Variants in WDR1 observed in about 807,000 individuals in gnomAD.
WDR1 encodes the protein WD repeat domain 1.
Under a neutral mutation model 71.9 loss-of-function variants are expected in WDR1, and 21 were observed. That is an observed-to-expected ratio of 0.29 (90% CI 0.21 to 0.42). The LOEUF is 0.42. Ranked by LOEUF, WDR1 falls within the 10% of genes least tolerant of loss-of-function variation. The pLI is 1.00. For missense variants in WDR1, 696 were observed against 824.5 expected (o/e 0.84, Z 1.91); for synonymous variants, 424 against 347.4 (o/e 1.22, Z -2.45).
intron 5 of WDR1, among the ~76,000 whole-genome samples, chr4:10,094,372 A>G (rs1421725974): frequency 6.6e-6 from 1 of 152,210 alleles, no homozygotes; most frequent in Non-Finnish European, 1.5e-5. Context: ...GAGGCAAAGA[A>G]CCTGGCCCAA....
chr4:10,076,582 C>T (rs1578412011), intron 14 of WDR1: 1 of 152,372 alleles, frequency 6.6e-6, no homozygotes, highest in African/African-American at 2.4e-5. Flanking sequence ...TCTCTCCTCC[C>T]TTCCAGACCG....
At chr4:10,114,181 G>A (rs774780717) in intron 2 of WDR1, among the ~76,000 whole-genome samples, 12 of 152,176 alleles carry the variant, frequency 7.9e-5, no homozygotes, top group Non-Finnish European at 7.3e-5. Context: ...GTAGCATCTC[G>A]TGCTGACCTG....
At chr4:10,093,163 C>T (rs2109667126) in intron 5 of WDR1, 3 of 1,288,720 alleles carry the variant, frequency 2.3e-6, no homozygotes, top group East Asian at 1.1e-4. Flanking sequence ...CACACATGCT[C>T]ACTACCTACC....
In WDR1 at chr4:10,074,945, T is replaced by C. The variant is rs536430880; in HGVS notation, c.*433A>G. 6 of 195,870 alleles carry C rather than the reference T, an allele frequency of 3.1e-5. No homozygotes were observed. Among genetic ancestry groups the C allele is most frequent in the Admixed American group, 1.7e-4 (3 of 17,852 alleles). The allele number at this position is 195,870 out of a possible 1,614,324, so 12.1% of individuals were successfully genotyped here. A position where few individuals can be genotyped will look rare whatever the true frequency, so the allele number is the denominator to read the frequency against. ...TCCGGCTTTGCTGAACTGCAATGCA[T>C]ATTCCCTCTTCTCACTAGTACAGAA... On this transcript the variant is annotated 3_prime_UTR_variant, in exon 15 of 15. Coordinates refer to ENST00000499869, the MANE Select transcript of WDR1 (RefSeq NM_017491.5).
chr4:10,101,033 C>A (rs1712652106), intron 3 of WDR1, among the ~76,000 whole-genome samples: 1 of 152,264 alleles, frequency 6.6e-6, no homozygotes, highest in African/African-American at 2.4e-5. Flanking sequence ...AGGAAGCCTG[C>A]CCTGGGCCTA....
chr4:10,108,656 T>C (rs955402779), intron 2 of WDR1, among the ~76,000 whole-genome samples: 1 of 152,206 alleles, frequency 6.6e-6, no homozygotes, highest in African/African-American at 2.4e-5. Flanking sequence ...CCAGGGCCCT[T>C]ATGTTCACTG....
intron 11 of WDR1, among the ~76,000 whole-genome samples, chr4:10,079,793 C>A (rs1386960712): frequency 6.6e-6 from 1 of 152,236 alleles, no homozygotes; most frequent in Non-Finnish European, 1.5e-5. Context: ...ATGGTAGCAG[C>A]ACCCTGACTA....
intron 3 of WDR1, among the ~76,000 whole-genome samples, chr4:10,101,392 T>A (rs1726599482): frequency 6.6e-6 from 1 of 152,096 alleles, no homozygotes. Flanking sequence ...AGCCCCCTTC[T>A]CCAAACCACC....
At position 10,103,289 on chromosome 4, in the gene WDR1, G is replaced by GAC. The variant is rs5856034; in HGVS notation, c.229+605_229+606dup. 8.1e-3 allele frequency among the ~76,000 whole-genome samples: 1,191 copies of GAC among 146,994 alleles called. 6 individuals are homozygous for GAC. The highest frequency in any genetic ancestry group is 0.03 in the East Asian group (150 of 4,956). The stretch of plus-strand genomic sequence containing the variant: ...ACATACACACACACACACACACACA[G>GAC]ACACACACACACACACACACACACA... On this transcript the variant is annotated intron_variant, in intron 3 of 14. Coordinates refer to ENST00000499869, the MANE Select transcript of WDR1 (RefSeq NM_017491.5).
chr4:10,104,688 G>A (rs1712913385), intron 2 of WDR1, among the ~76,000 whole-genome samples: 1 of 152,040 alleles, frequency 6.6e-6, no homozygotes, highest in South Asian at 2.1e-4. Flanking sequence ...ACACACGCAG[G>A]GCCTCAGTGA....
intron 2 of WDR1, among the ~76,000 whole-genome samples, chr4:10,105,380 T>C (rs1330228800): frequency 6.6e-6 from 1 of 152,240 alleles, no homozygotes; most frequent in African/African-American, 2.4e-5. Flanking sequence ...TCCCTAAGAC[T>C]TAACACAGCA....
chr4:10,111,706 C>T (rs1440403567), intron 2 of WDR1, among the ~76,000 whole-genome samples: 3 of 152,110 alleles, frequency 2.0e-5, no homozygotes, highest in African/African-American at 7.2e-5. Flanking sequence ...CCACCATTAC[C>T]CCCAACCCGC....
At chr4:10,116,088 C>G in intron 2 of WDR1, 25 bp downstream of exon 2, 1 of 1,604,870 alleles carries the variant, frequency 6.2e-7, no homozygotes. Flanking sequence ...GGAGCAGAAC[C>G]GCGCCCGGGG....
At chr4:10,087,061 C>T (rs543923493) in intron 8 of WDR1, among the ~76,000 whole-genome samples, 3 of 152,324 alleles carry the variant, frequency 2.0e-5, no homozygotes, top group South Asian at 2.1e-4. Flanking sequence ...CAAGTGAACC[C>T]TTCCGGGTTA....
chr4:10,078,205 G>A (rs564781149), intron 12 of WDR1, among the ~76,000 whole-genome samples: 12 of 152,298 alleles, frequency 7.9e-5, no homozygotes, highest in South Asian at 2.1e-4. Flanking sequence ...GGTCACATCC[G>A]GCACCTGAAG....
chr4:10,088,483 CCAGTGTG>C (rs1354702284), intron 6 of WDR1, 110 bp from the exon 7 acceptor site: 1 of 1,239,092 alleles, frequency 8.1e-7, no homozygotes, highest in African/African-American at 1.5e-5. Flanking sequence ...GACTAAGCTC[CCAGTGTG>C]GTTTAAAAGC....
At chr4:10,110,804 T>C (rs1035028999) in intron 2 of WDR1, among the ~76,000 whole-genome samples, 2 of 152,240 alleles carry the variant, frequency 1.3e-5, no homozygotes, top group Non-Finnish European at 2.9e-5. Flanking sequence ...GCCATGTACC[T>C]TGTCGGATGT....
At chr4:10,085,302 ATGT>A (rs1765169211) in intron 8 of WDR1, among the ~76,000 whole-genome samples, 1 of 152,220 alleles carries the variant, frequency 6.6e-6, no homozygotes, top group East Asian at 1.9e-4. Flanking sequence ...GGTATGCCAC[ATGT>A]TGCCACAATA....
At chr4:10,084,393 C>T in intron 9 of WDR1, 50 bp downstream of exon 9, 2 of 1,555,250 alleles carry the variant, frequency 1.3e-6, no homozygotes, top group South Asian at 1.2e-5. Flanking sequence ...ACAGGAAATT[C>T]CCCCCTAGAG....
Sources: gnomAD v4.1 joint callset for allele counts (sites outside exome capture counted in the v4.1 genomes callset) on GRCh38, gnomAD v4.1.1 for gene constraint, MANE v1.5 for transcripts, NCBI Gene and HGNC (gene_info 2026-07-23, HGNC 2026-07-21) for gene names.